The following CADPS2 variants were observed in gnomAD, a reference collection of about 807,000 sequenced individuals.
CADPS2 encodes calcium-dependent secretion activator 2.
A neutral mutation model predicts 172.5 loss-of-function variants in CADPS2; 93 were observed. That is an observed-to-expected ratio of 0.54 (90% CI 0.46 to 0.64). The LOEUF (loss-of-function observed/expected upper bound fraction) is 0.64, where lower values mean the gene tolerates loss of function less well. Ranked by LOEUF, CADPS2 falls within the 30% of genes least tolerant of loss-of-function variation. The pLI is 0.00. For missense variants in CADPS2, 1,420 were observed against 1,565.9 expected (o/e 0.91, Z 1.57); for synonymous variants, 546 against 555.2 (o/e 0.98, Z 0.23).
At chr7:122,482,232 T>C (rs1045526075) in intron 11 of CADPS2, among the ~76,000 whole-genome samples, 1 of 152,160 alleles carries the variant, frequency 6.6e-6, no homozygotes, top group African/African-American at 2.4e-5. Flanking sequence ...ATTAAGTCAC[T>C]GTAATTCTGT....
intron 18 of CADPS2, among the ~76,000 whole-genome samples, chr7:122,415,532 A>C (rs182234859): frequency 1.8e-4 from 27 of 152,018 alleles, no homozygotes; most frequent in Admixed American, 1.6e-3. Flanking sequence ...TTATGAGAGA[A>C]ATAGAGTGAG....
In CADPS2 at chr7:122,802,927, A is replaced by T. The variant is rs930056143; in HGVS notation, c.340-65859T>A. Among the ~76,000 whole-genome samples the T allele has an allele frequency of 4.6e-5, 7 of 152,222 alleles. 1 individual carries two copies. The highest frequency in any genetic ancestry group is 4.6e-4 in the Admixed American group (7 of 15,280). ...TTATGTGCACAAAAGACATATATGG[A>T]TGCACATAATACAACAATTACCTCC... On this transcript the variant is annotated intron_variant, in intron 1 of 29. Transcript: ENST00000449022.
chr7:122,388,383 C>G (rs1192283328), intron 23 of CADPS2, among the ~76,000 whole-genome samples, 200 bp downstream of exon 23: 2 of 151,908 alleles, frequency 1.3e-5, no homozygotes, highest in African/African-American at 4.8e-5. Flanking sequence ...AGTTGGGAGA[C>G]CTGAAAAAAA....
intron 15 of CADPS2, among the ~76,000 whole-genome samples, chr7:122,444,943 G>C (rs997402431): frequency 6.6e-6 from 1 of 152,062 alleles, no homozygotes; most frequent in African/African-American, 2.4e-5. Flanking sequence ...TTATGGGTGA[G>C]GTATGAATTG....
At chr7:122,533,361 C>A (rs2061949497) in intron 8 of CADPS2, among the ~76,000 whole-genome samples, 1 of 152,114 alleles carries the variant, frequency 6.6e-6, no homozygotes, top group South Asian at 2.1e-4. Flanking sequence ...CTACCTAGCT[C>A]CCTGCCACCA....
At chr7:122,698,618 AG>A (rs746581035) in intron 2 of CADPS2, 1 of 1,614,080 alleles carries the variant, frequency 6.2e-7, no homozygotes, top group South Asian at 1.1e-5. Flanking sequence ...AGTGCAAGCC[AG>A]GTCTCTGAGT....
chr7:122,706,833 C>A, intron 2 of CADPS2, among the ~76,000 whole-genome samples: 1 of 150,194 alleles, frequency 6.7e-6, no homozygotes, highest in African/African-American at 2.4e-5. Context: ...TGTATGTACA[C>A]ACACACACAC....
intron 1 of CADPS2, among the ~76,000 whole-genome samples, chr7:122,849,257 GA>G (rs1408683599): frequency 6.6e-6 from 1 of 152,134 alleles, no homozygotes; most frequent in African/African-American, 2.4e-5. Flanking sequence ...GGAACATTCT[GA>G]AGCTCTCCTC....
At chr7:122,805,080 A>C (rs1798491345) in intron 1 of CADPS2, among the ~76,000 whole-genome samples, 1 of 152,198 alleles carries the variant, frequency 6.6e-6, no homozygotes, top group Non-Finnish European at 1.5e-5. Context: ...AACAAGAGCC[A>C]CATGAATCAC....
intron 9 of CADPS2, among the ~76,000 whole-genome samples, chr7:122,506,429 T>C (rs1260153327): frequency 3.9e-5 from 6 of 152,218 alleles, no homozygotes; most frequent in Admixed American, 6.5e-5. Context: ...CTGCTTTTGA[T>C]AGGGCACCTA....
chr7:122,698,321 C>G (rs774528380), intron 2 of CADPS2: 2 of 1,613,944 alleles, frequency 1.2e-6, no homozygotes, highest in Non-Finnish European at 1.7e-6. Flanking sequence ...GCTAAGGTAG[C>G]AGTTGTGACA....
chr7:122,448,824 A>C (rs2052654224), intron 15 of CADPS2, among the ~76,000 whole-genome samples: 1 of 152,346 alleles, frequency 6.6e-6, no homozygotes, highest in Non-Finnish European at 1.5e-5. Flanking sequence ...TCTTAAGAGA[A>C]GACTATAGAA....
chr7:122,727,740 C>A (rs192956387), intron 2 of CADPS2, among the ~76,000 whole-genome samples: 1 of 152,006 alleles, frequency 6.6e-6, no homozygotes, highest in Admixed American at 6.6e-5. Flanking sequence ...CACTCACAGG[C>A]AGCAGAAACC....
At chr7:122,790,526 T>C (rs760807568) in intron 1 of CADPS2, among the ~76,000 whole-genome samples, 2 of 152,162 alleles carry the variant, frequency 1.3e-5, no homozygotes, top group Non-Finnish European at 2.9e-5. Flanking sequence ...AATTTAATTG[T>C]TGCAAATAAA....
chr7:122,362,361 T>C (rs2040264466), intron 25 of CADPS2, among the ~76,000 whole-genome samples: 1 of 152,186 alleles, frequency 6.6e-6, no homozygotes, highest in Admixed American at 6.5e-5. Context: ...CTCAGTAGAA[T>C]GCAAGCTCAG....
At chr7:122,339,663 GA>G (rs2150922228) in intron 28 of CADPS2, among the ~76,000 whole-genome samples, 1 of 152,336 alleles carries the variant, frequency 6.6e-6, no homozygotes, top group African/African-American at 2.4e-5. Context: ...GAGGCAGACA[GA>G]TCTTCTGAGG....
intron 1 of CADPS2, among the ~76,000 whole-genome samples, chr7:122,823,985 G>GT (rs1309894615): frequency 6.6e-6 from 1 of 152,114 alleles, no homozygotes; most frequent in Non-Finnish European, 1.5e-5. Flanking sequence ...TCCAACCCCA[G>GT]TAACTTACAC....
At position 122,864,813 on chromosome 7, in the gene CADPS2, C is replaced by T. The variant is rs556500727; in HGVS notation, c.339+21186G>A. 2.3e-4 allele frequency among the ~76,000 whole-genome samples: 35 copies of T among 152,268 alleles called. 1 individual carries two copies. The South Asian group carries it at 7.0e-3, about 31-fold the overall frequency. On this transcript the variant is annotated intron_variant, in intron 1 of 29. Transcript: ENST00000449022. ...CTCTGTTATCCTCAATAAGTAGCAA[C>T]ATCAATTTGGCCAAATGGCTGCTCT...
chr7:122,586,431 A>G (rs1265387889), intron 6 of CADPS2, among the ~76,000 whole-genome samples: 1 of 151,998 alleles, frequency 6.6e-6, no homozygotes, highest in African/African-American at 2.4e-5. Context: ...GTCGATAGTG[A>G]TATGAAATGA....
Sources: gnomAD v4.1 joint callset for allele counts (sites outside exome capture counted in the v4.1 genomes callset) on GRCh38, gnomAD v4.1.1 for gene constraint, MANE v1.5 for transcripts, NCBI Gene and HGNC (gene_info 2026-07-23, HGNC 2026-07-21) for gene names.